The following BRWD1 variants were observed in gnomAD, a reference collection of about 807,000 sequenced individuals.
BRWD1 encodes the protein bromodomain and WD repeat-containing protein 1.
Under a neutral mutation model 251.2 loss-of-function variants are expected in BRWD1, and 82 were observed. The observed-to-expected ratio is 0.33, with a 90% CI of 0.27 to 0.39. BRWD1 has a LOEUF of 0.39. Ranked by LOEUF, BRWD1 falls within the 10% of genes least tolerant of loss-of-function variation. The pLI is 1.00. For synonymous variants in BRWD1, 918 were observed against 902.8 expected (o/e 1.02, Z -0.30); for missense variants, 2,233 against 2,711.6 (o/e 0.82, Z 3.92).
rs2035880944 is a variant in BRWD1, at chr21:39,293,798, G to A, written c.831+13C>T. 1 of 1,604,424 alleles carries A rather than the reference G, an allele frequency of 6.2e-7. No individual in the cohort carries two copies. Among genetic ancestry groups the A allele is most frequent in the Admixed American group, 1.7e-5 (1 of 59,900 alleles). On this transcript the variant is annotated intron_variant, in intron 8 of 40. Coordinates refer to ENST00000342449, the MANE Select transcript of BRWD1 (RefSeq NM_033656.4). ...ATACATATAGGAATGTGCCCACTAA[G>A]CTACAAGTTTACCTGTAAAGATGTA...
intron 33 of BRWD1, 133 bp from the exon 34 acceptor site, chr21:39,212,840 G>A: frequency 1.7e-6 from 1 of 578,250 alleles, no homozygotes. Context: ...AATCTCCAAA[G>A]AAAGACTACC....
Position 39,192,257 on chromosome 21 carries a change from C to A in BRWD1, c.*4002G>T. 1.1e-6 allele frequency: 1 copy of A among 948,918 alleles called. No homozygotes were observed. Among genetic ancestry groups the A allele is most frequent in the Non-Finnish European group, 1.2e-6 (1 of 815,756 alleles). The allele number at this position is 948,918 out of a possible 1,614,324, so 58.8% of individuals were successfully genotyped here. On this transcript the variant is annotated 3_prime_UTR_variant, in exon 41 of 41. Coordinates refer to ENST00000342449, the MANE Select transcript of BRWD1 (RefSeq NM_033656.4). ...ACAACACAGCCCTTAGCATTACATA[C>A]TTTACTTTTCAATCCTTACTATTCA... is the stretch of plus-strand genomic sequence containing the variant.
In BRWD1 at chr21:39,298,572, T is replaced by C; in HGVS notation, c.209A>G (p.Asn70Ser). 1.3e-6 allele frequency: 2 copies of C among 1,597,162 alleles called. No individual in the cohort carries two copies. The highest frequency in any genetic ancestry group is 1.7e-6 in the Non-Finnish European group (2 of 1,173,960). Residue 70 changes from asparagine to serine, a missense_variant, in exon 5 of 41, where the codon AAT (asparagine) becomes AGT (serine). Asn to Ser is a conservative substitution (Grantham distance 46). Coordinates refer to ENST00000342449, the MANE Select transcript of BRWD1 (RefSeq NM_033656.4). ...NRSYEELVLS[N>S]KHVAPDHLLQ... Reference sequence around the variant, plus strand: ...AAGATGATCAGGAGCCACATGCTTATTGGACAAGACCTAGTTGGAGAGCAA... The same window carrying C: ...AAGATGATCAGGAGCCACATGCTTACTGGACAAGACCTAGTTGGAGAGCAA...
intron 27 of BRWD1, 89 bp downstream of exon 27, chr21:39,228,411 T>G (rs2033470663): frequency 2.4e-6 from 2 of 828,998 alleles, no homozygotes; most frequent in Non-Finnish European, 4.0e-6. Context: ...TTGTATATAC[T>G]ATAATTAAGA....
intron 19 of BRWD1, among the ~76,000 whole-genome samples, chr21:39,253,286 C>CAAAAAAAAAAAAAAAAAA: frequency 1.2e-5 from 1 of 83,822 alleles, no homozygotes; most frequent in Non-Finnish European, 2.2e-5. Context: ...GAAACTGTCT[C>CAAAAAAAAAAAAAAAAAA]AAAAAAAAAA....
intron 34 of BRWD1, among the ~76,000 whole-genome samples, chr21:39,212,310 A>G (rs911496523): frequency 2.6e-5 from 4 of 152,156 alleles, no homozygotes; most frequent in African/African-American, 9.7e-5. Context: ...ATCTACCCCA[A>G]TCATAACAGC....
In BRWD1 at chr21:39,192,589, C is replaced by T. The variant is rs2031608848; in HGVS notation, c.*3670G>A. 2 of 983,860 alleles carry T rather than the reference C, an allele frequency of 2.0e-6. No individual in the cohort carries two copies. The highest frequency in any genetic ancestry group is 2.4e-6 in the Non-Finnish European group (2 of 828,732). 60.9% of individuals were successfully genotyped at this position (983,860 alleles called of 1,614,324 possible). ...ATTTCCATACAACATAAGAAAACTA[C>T]AGTATTTGGTGACAACTGCAAGATA... is the stretch of plus-strand genomic sequence containing the variant. On this transcript the variant is annotated 3_prime_UTR_variant, in exon 41 of 41. Coordinates refer to ENST00000342449, the MANE Select transcript of BRWD1 (RefSeq NM_033656.4).
intron 21 of BRWD1, among the ~76,000 whole-genome samples, chr21:39,241,314 A>C (rs1213627808): frequency 6.6e-6 from 1 of 151,054 alleles, no homozygotes; most frequent in Admixed American, 6.6e-5. Context: ...AAAAACATAA[A>C]AAAATTAGCC....
intron 37 of BRWD1, among the ~76,000 whole-genome samples, 153 bp downstream of exon 37, chr21:39,205,955 C>G (rs918593280): frequency 2.0e-5 from 3 of 152,076 alleles, no homozygotes; most frequent in African/African-American, 7.2e-5. Context: ...TGGTGTGCGC[C>G]TGTAGTCCCA....
downstream of BRWD1, chr21:39,185,266 C>T (rs958552047): frequency 9.2e-6 from 1 of 108,548 alleles, no homozygotes; most frequent in Non-Finnish European, 1.8e-5. Context: ...AAATTCAAAG[C>T]TTAAATTCTT....
chr21:39,233,069 T>C (rs1239573238), intron 23 of BRWD1, among the ~76,000 whole-genome samples: 1 of 152,194 alleles, frequency 6.6e-6, no homozygotes, highest in Non-Finnish European at 1.5e-5. Context: ...CCCTGGCTAC[T>C]GTTAAATCAT....
intron 23 of BRWD1, among the ~76,000 whole-genome samples, chr21:39,236,224 A>C (rs1330114344): frequency 2.6e-5 from 4 of 152,150 alleles, no homozygotes; most frequent in Non-Finnish European, 5.9e-5. Flanking sequence ...CGCATCTGTG[A>C]AGCAAAGGCC....
At chr21:39,246,128 T>A (rs1419030674) in intron 21 of BRWD1, among the ~76,000 whole-genome samples, 1 of 152,022 alleles carries the variant, frequency 6.6e-6, no homozygotes, top group Non-Finnish European at 1.5e-5. Context: ...ACCCACAGAA[T>A]GGGAGAAAAA....
chr21:39,218,713 T>C (rs2033053115), intron 29 of BRWD1, 53 bp from the exon 30 acceptor site: 1 of 1,377,460 alleles, frequency 7.3e-7, no homozygotes, highest in Non-Finnish European at 9.6e-7. Context: ...AAAAAATAAA[T>C]ATATACGGTA....
At chr21:39,260,695 T>C (rs914203409) in intron 17 of BRWD1, among the ~76,000 whole-genome samples, 24 of 152,138 alleles carry the variant, frequency 1.6e-4, no homozygotes, top group African/African-American at 5.8e-4. Flanking sequence ...AGGGGAACAA[T>C]GGAGACAAAC....
rs769630063 is a variant in BRWD1 at position 39,225,243 on chromosome 21, C to G, written c.3209-46G>C. The G allele has an allele frequency of 2.2e-6, 3 of 1,346,472 alleles. No individual in the cohort carries two copies. In the South Asian group the frequency reaches 3.5e-5, roughly 16 times the overall value. The allele number at this position is 1,346,472 out of a possible 1,614,324, so 83.4% of individuals were successfully genotyped here. A position where few individuals can be genotyped will look rare whatever the true frequency, so the allele number is the denominator to read the frequency against. ...TCTGAGGCATTTCTCTGCTAACATT[C>G]ATTAACATTTTTTTAATCTACAAAA... On this transcript the variant is annotated intron_variant, in intron 27 of 40. Coordinates refer to ENST00000342449, the MANE Select transcript of BRWD1 (RefSeq NM_033656.4).
At chr21:39,292,919 G>C (rs1462444842) in intron 8 of BRWD1, among the ~76,000 whole-genome samples, 2 of 152,116 alleles carry the variant, frequency 1.3e-5, no homozygotes, top group Admixed American at 6.6e-5. Flanking sequence ...GTGTGATAAT[G>C]GTGTTGCAGT....
rs1196899123 is a variant in BRWD1 at position 39,203,434 on chromosome 21, GGTTCT to G, written c.4365-894_4365-890del. 1.2e-3 allele frequency among the ~76,000 whole-genome samples: 75 copies of G among 64,312 alleles called. 1 individual carries two copies. The highest frequency in any genetic ancestry group is 2.7e-3 in the African/African-American group (56 of 20,996). 42.2% of individuals were successfully genotyped at this position (64,312 alleles called of 152,430 possible). ...AGCCTGGGCAACAGAGCAAGACCCT[GGTTCT>G]TTTTTTTTTTTTTTTTTTTTTTTGA... On this transcript the variant is annotated intron_variant, in intron 37 of 40. Coordinates refer to ENST00000342449, the MANE Select transcript of BRWD1 (RefSeq NM_033656.4).
At chr21:39,270,921 C>T (rs2146673085) in intron 13 of BRWD1, among the ~76,000 whole-genome samples, 1 of 152,346 alleles carries the variant, frequency 6.6e-6, no homozygotes, top group Middle Eastern at 3.4e-3. Flanking sequence ...ATACAACTTT[C>T]CTACAGTCTA....
Sources: gnomAD v4.1 joint callset for allele counts (sites outside exome capture counted in the v4.1 genomes callset) on GRCh38, gnomAD v4.1.1 for gene constraint, MANE v1.5 for transcripts, NCBI Gene and HGNC (gene_info 2026-07-23, HGNC 2026-07-21) for gene names.